Variants in UBE2W observed in about 807,000 individuals in gnomAD.
UBE2W encodes the protein ubiquitin conjugating enzyme E2 W.
In UBE2W, 18 loss-of-function variants were observed where a neutral mutation model predicts 27.2. The observed-to-expected ratio is 0.66, with a 90% CI of 0.46 to 0.98. The LOEUF (loss-of-function observed/expected upper bound fraction) is 0.98. UBE2W is among the 50% of genes least tolerant of loss of function. UBE2W has a pLI of 0.00. For missense variants in UBE2W, 90 were observed against 180.2 expected (o/e 0.50, Z 2.87); for synonymous variants, 53 against 57.2 (o/e 0.93, Z 0.33).
intron 3 of UBE2W, among the ~76,000 whole-genome samples, chr8:73,814,507 G>C (rs1809305201): frequency 6.6e-6 from 1 of 152,078 alleles, no homozygotes; most frequent in Admixed American, 6.6e-5. Flanking sequence ...AATCAAGTTT[G>C]AAGTTGCATT....
Position 73,805,472 on chromosome 8 carries a change from C to CAAAAAAAAAAAAAAAAAAA in UBE2W, c.442+178_442+179insTTTTTTTTTTTTTTTTTTT. Among the ~76,000 whole-genome samples, 30 of 43,686 alleles carry CAAAAAAAAAAAAAAAAAAA rather than the reference C, an allele frequency of 6.9e-4. 8 individuals are homozygous for CAAAAAAAAAAAAAAAAAAA. The highest frequency in any genetic ancestry group is 1.9e-3 in the South Asian group (2 of 1,074). 28.7% of individuals were successfully genotyped at this position (43,686 alleles called of 152,430 possible). Reference sequence around the variant, plus strand: ...TCCATCTCAAAAAAAAAAAAAAAAACAAAAAAAACTAGGGTAATTCATCCA... The same window carrying CAAAAAAAAAAAAAAAAAAA: ...TCCATCTCAAAAAAAAAAAAAAAAACAAAAAAAAAAAAAAAAAAAAAAAAAAACTAGGGTAATTCATCCA... On this transcript the variant is annotated intron_variant, in intron 5 of 5. Transcript: ENST00000602593.
intron 1 of UBE2W, among the ~76,000 whole-genome samples, chr8:73,853,125 T>G (rs1259519062): frequency 6.6e-6 from 1 of 152,172 alleles, no homozygotes. Flanking sequence ...CTTGCTGCCA[T>G]GTGAAGATAC....
At chr8:73,827,491 G>A (rs1482648056) in intron 2 of UBE2W, among the ~76,000 whole-genome samples, 1 of 152,060 alleles carries the variant, frequency 6.6e-6, no homozygotes, top group African/African-American at 2.4e-5. Context: ...TGGGATTACA[G>A]GTGTGAACCA....
At chr8:73,805,472 C>CAAAAAAAACAAAAACAAAAAA (rs1554579996) in intron 5 of UBE2W, among the ~76,000 whole-genome samples, 179 bp downstream of exon 5, 3,436 of 43,724 alleles carry the variant, frequency 0.079, 429 homozygotes, top group African/African-American at 0.2. Context: ...AAAAAAAAAA[C>CAAAAAAAACAAAAACAAAAAA]AAAAAAAACT....
intron 5 of UBE2W, among the ~76,000 whole-genome samples, chr8:73,804,294 C>G (rs578075876): frequency 6.8e-6 from 1 of 147,522 alleles, no homozygotes; most frequent in East Asian, 2.0e-4. Flanking sequence ...AAAAAAAAAA[C>G]CCACACACAT....
intron 1 of UBE2W, among the ~76,000 whole-genome samples, chr8:73,848,177 G>A (rs1810899637): frequency 6.6e-6 from 1 of 151,850 alleles, no homozygotes; most frequent in South Asian, 2.1e-4. Context: ...CTCCAGCCTG[G>A]GAAAAACTGT....
At chr8:73,817,664 C>T (rs1361311965) in intron 3 of UBE2W, among the ~76,000 whole-genome samples, 2 of 152,064 alleles carry the variant, frequency 1.3e-5, no homozygotes, top group African/African-American at 2.4e-5. Context: ...ACTACAGGTG[C>T]ACACCACCAT....
intron 1 of UBE2W, among the ~76,000 whole-genome samples, chr8:73,863,074 C>T (rs1392871055): frequency 7.6e-6 from 1 of 131,046 alleles, no homozygotes; most frequent in Admixed American, 7.4e-5. Flanking sequence ...CATCCCATTA[C>T]TGGGTATATA....
Position 73,787,468 on chromosome 8 carries a change from T to C in UBE2W, c.*6634A>G. 1.0e-6 allele frequency: 1 copy of C among 985,358 alleles called. No individual in the cohort carries two copies. Among genetic ancestry groups the C allele is most frequent in the Non-Finnish European group, 1.2e-6 (1 of 829,846 alleles). The allele number at this position is 985,358 out of a possible 1,614,324, so 61.0% of individuals were successfully genotyped here. A position where few individuals can be genotyped will look rare whatever the true frequency, so the allele number is the denominator to read the frequency against. On this transcript the variant is annotated 3_prime_UTR_variant, in exon 6 of 6. Coordinates refer to ENST00000602593, the MANE Select transcript of UBE2W (RefSeq NM_018299.6). ...ATCAAAGTACAAAAGATGGTTCATA[T>C]ATTTATCTAACCATCTACTAACATA... is the stretch of plus-strand genomic sequence containing the variant.
chr8:73,811,382 A>G (rs760443262), intron 3 of UBE2W, among the ~76,000 whole-genome samples: 3 of 152,152 alleles, frequency 2.0e-5, no homozygotes, highest in Non-Finnish European at 4.4e-5. Flanking sequence ...AATATCTTAA[A>G]GTAGTTTTTC....
At chr8:73,838,283 T>C (rs1029006004) in intron 1 of UBE2W, among the ~76,000 whole-genome samples, 9 of 152,188 alleles carry the variant, frequency 5.9e-5, no homozygotes, top group South Asian at 2.1e-4. Context: ...TTCCTTTTTT[T>C]CCCCCCGGTA....
At chr8:73,797,047 TA>T (rs1554579055) in intron 5 of UBE2W, among the ~76,000 whole-genome samples, 1 of 152,198 alleles carries the variant, frequency 6.6e-6, no homozygotes, top group Non-Finnish European at 1.5e-5. Flanking sequence ...TAACCATTTA[TA>T]TTTTTCCTGG....
At chr8:73,878,406 A>T (rs1230468797) in intron 1 of UBE2W, among the ~76,000 whole-genome samples, 1 of 152,170 alleles carries the variant, frequency 6.6e-6, no homozygotes, top group African/African-American at 2.4e-5. Flanking sequence ...CTGCCCCGGC[A>T]ACAACCGCGG....
In UBE2W at chr8:73,780,706, T is replaced by G. The variant is rs553811667; in HGVS notation, c.430-189A>C. ...AGCTAATTTGTTTGTATTTTTTTTG[T>G]AGAGATGAGGTTTTGCCATGTTGCC... On this transcript the variant is annotated intron_variant, in intron 4 of 4. Transcript: ENST00000523278. 8.6e-5 allele frequency among the ~76,000 whole-genome samples: 13 copies of G among 152,018 alleles called. No homozygotes were observed. In the South Asian group the frequency reaches 2.7e-3, roughly 32 times the overall value.
rs1807952003 is a variant in UBE2W at position 73,786,295 on chromosome 8, C to T, written c.*7807G>A. ...ATAGAAAGAGCAGGGTCCTGTTATACATTTTACTCAGGTGGTGGTTCTGGA... is the reference window on the plus strand; with the variant it reads ...ATAGAAAGAGCAGGGTCCTGTTATATATTTTACTCAGGTGGTGGTTCTGGA... On this transcript the variant is annotated 3_prime_UTR_variant, in exon 6 of 6. Transcript: ENST00000602593. The T allele has an allele frequency of 1.0e-6, 1 of 985,416 alleles. No homozygotes were observed. The highest frequency in any genetic ancestry group is 1.2e-6 in the Non-Finnish European group (1 of 829,918). The allele number at this position is 985,416 out of a possible 1,614,324, so 61.0% of individuals were successfully genotyped here.
At position 73,842,827 on chromosome 8, in the gene UBE2W, A is replaced by G. The variant is rs189129837; in HGVS notation, c.16-12355T>C. Among the ~76,000 whole-genome samples, 617 of 152,276 alleles carry G rather than the reference A, an allele frequency of 4.1e-3. 6 individuals carry two copies. Among genetic ancestry groups the G allele is most frequent in the African/African-American group, 0.014 (582 of 41,550 alleles). On this transcript the variant is annotated intron_variant, in intron 1 of 5. Coordinates refer to ENST00000602593, the MANE Select transcript of UBE2W (RefSeq NM_018299.6). The stretch of plus-strand genomic sequence containing the variant: ...AAAAATGTAGAAGTGTATTTTTTGT[A>G]TAATTAAAAAATAACTCAATGGATG...
Position 73,791,288 on chromosome 8 carries a change from C to A in UBE2W, c.*2814G>T, listed in dbSNP as rs1445383756. 9.2e-6 allele frequency: 9 copies of A among 977,704 alleles called. No homozygotes were observed. Among genetic ancestry groups the A allele is most frequent in the Non-Finnish European group, 1.1e-5 (9 of 826,508 alleles). The allele number at this position is 977,704 out of a possible 1,614,324, so 60.6% of individuals were successfully genotyped here. ...CAAAGAAAAAAAAAAAAAAGAAGGG[C>A]ATCATGTTCATGATCTAAGCATGCA... On this transcript the variant is annotated 3_prime_UTR_variant, in exon 6 of 6. Coordinates refer to ENST00000602593, the MANE Select transcript of UBE2W (RefSeq NM_018299.6).
intron 1 of UBE2W, among the ~76,000 whole-genome samples, chr8:73,866,195 C>CG (rs1240681193): frequency 2.0e-5 from 3 of 146,548 alleles, no homozygotes; most frequent in East Asian, 2.0e-4. Flanking sequence ...TGCTTGAACC[C>CG]GGGGGGTGGA....
At chr8:73,868,669 G>A (rs1410355323) in intron 1 of UBE2W, among the ~76,000 whole-genome samples, 2 of 144,774 alleles carry the variant, frequency 1.4e-5, no homozygotes, top group Non-Finnish European at 3.0e-5. Context: ...ATGAACTGCA[G>A]AACACCCAGC....
Sources: allele counts gnomAD v4.1 joint callset (sites outside exome capture counted in the v4.1 genomes callset), GRCh38; gene constraint gnomAD v4.1.1; transcripts MANE v1.5; gene names NCBI Gene and HGNC (gene_info 2026-07-23, HGNC 2026-07-21).